NAV3: variants seen among roughly 807,000 people sequenced by gnomAD.
The protein encoded by NAV3 is neuron navigator 3.
Under a neutral mutation model 244.7 loss-of-function variants are expected in NAV3, and 87 were observed. That is an observed-to-expected ratio of 0.36 (90% CI 0.30 to 0.42). The LOEUF is 0.42. Ranked by LOEUF, NAV3 falls within the 20% of genes least tolerant of loss-of-function variation. The pLI, the probability that NAV3 is intolerant of heterozygous loss-of-function variation, is 1.00. For missense variants in NAV3, 2,663 were observed against 2,893.3 expected (o/e 0.92, Z 1.83); for synonymous variants, 1,126 against 1,042.2 (o/e 1.08, Z -1.55).
At chr12:77,992,881 C>T (rs1370978763) in intron 5 of NAV3, among the ~76,000 whole-genome samples, 1 of 152,098 alleles carries the variant, frequency 6.6e-6, no homozygotes, top group African/African-American at 2.4e-5. Flanking sequence ...AGGCAGGGAC[C>T]AACATGGTCA....
At chr12:78,188,025 T>C (rs114384809) in intron 31 of NAV3, among the ~76,000 whole-genome samples, 1,901 of 152,044 alleles carry the variant, frequency 0.013, 36 homozygotes, top group African/African-American at 0.042. Flanking sequence ...TTCTTTCTTG[T>C]TGCTGTTGCT....
chr12:78,177,340 G>A, intron 27 of NAV3, 27 bp downstream of exon 27: 1 of 1,589,926 alleles, frequency 6.3e-7, no homozygotes, highest in Non-Finnish European at 8.5e-7. Flanking sequence ...GCAAAATGCA[G>A]ACATATTTTT....
Position 77,625,229 on chromosome 12 carries a change from AT to A in NAV3, c.72+52967del, listed in dbSNP as rs748838696. On this transcript the variant is annotated intron_variant, in intron 2 of 8. Transcript: ENST00000550042. ...CTACATATGTTTAATGGTCACTTTT[AT>A]TTTCTCTTCAGAGAATAACATGTTA... Among the ~76,000 whole-genome samples the A allele has an allele frequency of 1.4e-4, 22 of 152,094 alleles. No individual in the cohort carries two copies. In the East Asian group the frequency reaches 3.7e-3, roughly 25 times the overall value.
intron 11 of NAV3, among the ~76,000 whole-genome samples, chr12:78,055,795 A>G (rs1883415169): frequency 6.6e-6 from 1 of 152,208 alleles, no homozygotes; most frequent in Admixed American, 6.5e-5. Flanking sequence ...TCTGACTGTA[A>G]AAGAGACTAG....
intron 2 of NAV3, among the ~76,000 whole-genome samples, chr12:77,817,689 T>A (rs1872574500): frequency 6.6e-6 from 1 of 152,136 alleles, no homozygotes; most frequent in Non-Finnish European, 1.5e-5. Flanking sequence ...CTTTTTAAAA[T>A]TATTTTTCTT....
chr12:77,616,730 GCACA>G (rs147977960), intron 2 of NAV3, among the ~76,000 whole-genome samples: 101 of 148,102 alleles, frequency 6.8e-4, no homozygotes, highest in East Asian at 1.6e-3. Context: ...ACACAGGCGC[GCACA>G]CACACACACA....
intron 9 of NAV3, among the ~76,000 whole-genome samples, chr12:78,024,798 A>T (rs968217032): frequency 2.1e-4 from 32 of 152,166 alleles, no homozygotes; most frequent in African/African-American, 6.5e-4. Flanking sequence ...TAACGGTGAG[A>T]TGCCGTCTCT....
At chr12:77,705,547 A>G (rs1214546352) in intron 2 of NAV3, among the ~76,000 whole-genome samples, 1 of 151,476 alleles carries the variant, frequency 6.6e-6, no homozygotes, top group Non-Finnish European at 1.5e-5. Context: ...CTGTCTCTCC[A>G]TTTTTTGGCA....
At chr12:78,050,656 G>C in intron 10 of NAV3, 108 bp from the exon 11 acceptor site, 1 of 1,123,470 alleles carries the variant, frequency 8.9e-7, no homozygotes. Context: ...GGAAGATGAC[G>C]TGTTTATAAG....
chr12:78,009,485 C>T (rs150134534), intron 8 of NAV3, among the ~76,000 whole-genome samples: 372 of 137,592 alleles, frequency 2.7e-3, no homozygotes, highest in African/African-American at 8.8e-3. Flanking sequence ...AAAAAAAGGG[C>T]GATAGAATAT....
At chr12:77,795,565 CTATA>C (rs1482564836) in intron 2 of NAV3, among the ~76,000 whole-genome samples, 1 of 151,962 alleles carries the variant, frequency 6.6e-6, no homozygotes, top group Non-Finnish European at 1.5e-5. Context: ...TGCAGTATAA[CTATA>C]TGTATGTGCA....
chr12:77,728,509 T>G (rs985164764), intron 2 of NAV3, among the ~76,000 whole-genome samples: 3 of 151,938 alleles, frequency 2.0e-5, no homozygotes, highest in African/African-American at 7.2e-5. Context: ...AGTCCACTTC[T>G]TCATTTTCTA....
chr12:78,122,095 GT>G lies in NAV3; in HGVS notation c.3906del (p.Leu1304Ter). 1.2e-6 allele frequency: 2 copies of G among 1,614,134 alleles called. No homozygotes were observed. The highest frequency in any genetic ancestry group is 1.7e-6 in the Non-Finnish European group (2 of 1,180,016). ...SSGTGSMGSA[G>X]GLSGSSSPLF... ...GGTACGGGCAGCATGGGCAGTGCTG[GT>G]GGGCTAAGCGGCAGCAGCAGCCCTC... On this transcript the variant is annotated frameshift_variant, in exon 16 of 40. Transcript: ENST00000397909. LOFTEE classifies it high-confidence loss of function.
intron 5 of NAV3, among the ~76,000 whole-genome samples, chr12:77,993,606 G>A (rs1194977708): frequency 1.3e-5 from 2 of 152,134 alleles, no homozygotes; most frequent in African/African-American, 4.8e-5. Flanking sequence ...CCTCAAGCCA[G>A]GCAATTTTAA....
In NAV3 at chr12:78,083,350, G is replaced by A. The variant is rs376280819; in HGVS notation, c.2636+24235G>A. Among the ~76,000 whole-genome samples the A allele has an allele frequency of 6.0e-4, 91 of 152,210 alleles. 2 individuals carry two copies. In the South Asian group the frequency reaches 0.019, roughly 31 times the overall value. On this transcript the variant is annotated intron_variant, in intron 12 of 39. Transcript: ENST00000397909. Reference sequence around the variant, plus strand: ...CACTTGTCAATACAGCTGCATTGGGGGTTAAATTTTAATGTGAATTTGGAG... The same window carrying A: ...CACTTGTCAATACAGCTGCATTGGGAGTTAAATTTTAATGTGAATTTGGAG...
intron 2 of NAV3, among the ~76,000 whole-genome samples, chr12:77,799,628 C>A (rs888977587): frequency 6.6e-6 from 1 of 152,098 alleles, no homozygotes; most frequent in Non-Finnish European, 1.5e-5. Context: ...TACCTTATTT[C>A]GTTCCTGCCA....
chr12:77,598,895 A>G (rs947649029), intron 2 of NAV3, among the ~76,000 whole-genome samples: 3 of 152,028 alleles, frequency 2.0e-5, no homozygotes, highest in Non-Finnish European at 4.4e-5. Flanking sequence ...TTAAAATTGC[A>G]CAATATGGTA....
chr12:78,128,356 G>A (rs2694835), intron 17 of NAV3, among the ~76,000 whole-genome samples: 92,846 of 151,158 alleles, frequency 0.61, 28,741 homozygotes, highest in Admixed American at 0.64. Context: ...GCCCTGGCCC[G>A]CCACTGTCCT....
chr12:78,116,487 T>C (rs376857485), intron 12 of NAV3, among the ~76,000 whole-genome samples: 57 of 152,324 alleles, frequency 3.7e-4, no homozygotes, highest in African/African-American at 1.3e-3. Context: ...CCTGATACCA[T>C]GCAGTATTTG....
Sources: allele counts gnomAD v4.1 joint callset (sites outside exome capture counted in the v4.1 genomes callset), GRCh38; gene constraint gnomAD v4.1.1; transcripts MANE v1.5; gene names NCBI Gene and HGNC (gene_info 2026-07-23, HGNC 2026-07-21).